Variants in POLR1A observed in about 807,000 individuals in gnomAD.
The protein encoded by POLR1A is RNA polymerase I subunit A, also known as DNA-directed RNA polymerase I subunit RPA1.
In POLR1A, 84 loss-of-function variants were observed where a neutral mutation model predicts 205.3. That is an observed-to-expected ratio of 0.41 (90% CI 0.34 to 0.49). The LOEUF is 0.49. Ranked by LOEUF, POLR1A falls within the 20% of genes least tolerant of loss-of-function variation. The pLI is 0.22. For synonymous variants in POLR1A, 799 were observed against 863.7 expected (o/e 0.93, Z 1.31); for missense variants, 1,645 against 2,204.5 (o/e 0.75, Z 5.08).
At chr2:86,085,456 G>A (rs1054776056) in intron 6 of POLR1A, among the ~76,000 whole-genome samples, 4 of 152,142 alleles carry the variant, frequency 2.6e-5, no homozygotes, top group Non-Finnish European at 5.9e-5. Context: ...TGACCTTCAG[G>A]GATAACCACA....
In POLR1A at chr2:86,027,207, G is replaced by T; in HGVS notation, c.*216C>A. 1 of 587,772 alleles carries T rather than the reference G, an allele frequency of 1.7e-6. No homozygotes were observed. 36.4% of individuals were successfully genotyped at this position (587,772 alleles called of 1,614,324 possible). A position where few individuals can be genotyped will look rare whatever the true frequency, so the allele number is the denominator to read the frequency against. On this transcript the variant is annotated 3_prime_UTR_variant, in exon 34 of 34. Transcript: ENST00000263857. ...AAACCTTGATAAAAATCCAGAGACA[G>T]GGAGGGGCAAGGATGAGCAACTCTG...
intron 1 of POLR1A, among the ~76,000 whole-genome samples, chr2:86,104,895 T>C (rs1673892627): frequency 6.6e-6 from 1 of 152,246 alleles, no homozygotes; most frequent in South Asian, 2.1e-4. Flanking sequence ...GATTTAAATT[T>C]GAGACTATAA....
chr2:86,033,572 G>T, intron 28 of POLR1A, 89 bp downstream of exon 28: 3 of 1,425,720 alleles, frequency 2.1e-6, no homozygotes, highest in Non-Finnish European at 2.9e-6. Context: ...CCAGGATGGG[G>T]CTGGAGGAGC....
At chr2:86,030,915 C>T (rs537167790) in intron 30 of POLR1A, among the ~76,000 whole-genome samples, 1 of 152,174 alleles carries the variant, frequency 6.6e-6, no homozygotes. Flanking sequence ...CCTGAGGGCA[C>T]GAACAGTGTC....
In POLR1A at chr2:86,070,251, C is replaced by T. The variant is rs1558776543; in HGVS notation, c.1633G>A (p.Gly545Arg). 6.2e-7 allele frequency: 1 copy of T among 1,611,342 alleles called. No individual in the cohort carries two copies. Among genetic ancestry groups the T allele is most frequent in the Middle Eastern group, 1.7e-4 (1 of 6,052 alleles). ...TKIVCRHVKN[G>R]DILLLNRQPT... is the part of the protein sequence containing the mutation. Reference sequence around the variant, plus strand: ...TGTCGGTTCAGTAGCAGAATGTCCCCATTCTTCACATGCCGGCACACCTGG... The same window carrying T: ...TGTCGGTTCAGTAGCAGAATGTCCCTATTCTTCACATGCCGGCACACCTGG... The change falls in exon 13 of 34, where the codon GGG becomes AGG. Residue 545 changes from glycine to arginine, a missense_variant. By Grantham distance (125) the Gly-to-Arg change is moderately radical (BLOSUM62 -2). This residue lies in a region of POLR1A where 131 missense variants were observed against 214.5 expected (regional missense o/e 0.61). Transcript: ENST00000263857. This position sits in a 1 kb window ranked among gnomAD's most constrained non-coding sequence, Gnocchi z 4.4.
At chr2:86,064,396 A>G (rs1348221545) in intron 14 of POLR1A, among the ~76,000 whole-genome samples, 3 of 152,216 alleles carry the variant, frequency 2.0e-5, no homozygotes, top group Non-Finnish European at 4.4e-5. Flanking sequence ...AGGCAACAGC[A>G]GAAGAACATA....
At chr2:86,030,006 G>A (rs1459404522) in intron 31 of POLR1A, among the ~76,000 whole-genome samples, 190 bp downstream of exon 31, 1 of 152,204 alleles carries the variant, frequency 6.6e-6, no homozygotes, top group South Asian at 2.1e-4. Context: ...TGAGGCTAAC[G>A]TGCCCCAGAA....
At chr2:86,065,198 C>G (rs980775747) in intron 14 of POLR1A, 76 bp downstream of exon 14, 2 of 1,311,242 alleles carry the variant, frequency 1.5e-6, no homozygotes, top group Non-Finnish European at 2.1e-6. Context: ...GGTCTGGACT[C>G]TTCTGAGAAT....
At chr2:86,073,906 T>C (rs1390506240) in intron 12 of POLR1A, among the ~76,000 whole-genome samples, 1 of 152,230 alleles carries the variant, frequency 6.6e-6, no homozygotes, top group Admixed American at 6.5e-5. Flanking sequence ...CTTTTTGCAT[T>C]GCTCACACAG....
chr2:86,028,443 C>T lies in POLR1A; in HGVS notation c.4897+151G>A, dbSNP rs1672310440. ...CTCTTCACAGATCTGCAGTCTCCTACAGGTGCACTCACTGCACGCATGCTG... is the reference window on the plus strand; with the variant it reads ...CTCTTCACAGATCTGCAGTCTCCTATAGGTGCACTCACTGCACGCATGCTG... On this transcript the variant is annotated intron_variant, in intron 32 of 33. Coordinates refer to ENST00000263857, the MANE Select transcript of POLR1A (RefSeq NM_015425.6). The surrounding 1 kb of genome is among the most constrained non-coding windows in gnomAD (Gnocchi z 4.5). 1.5e-6 allele frequency: 1 copy of T among 686,890 alleles called. No homozygotes were observed. The allele number at this position is 686,890 out of a possible 1,614,324, so 42.5% of individuals were successfully genotyped here. A position where few individuals can be genotyped will look rare whatever the true frequency, so the allele number is the denominator to read the frequency against.
At chr2:86,040,748 C>T (rs931809361) in intron 24 of POLR1A, among the ~76,000 whole-genome samples, 189 bp from the exon 25 acceptor site, 8 of 152,144 alleles carry the variant, frequency 5.3e-5, no homozygotes, top group African/African-American at 1.9e-4. Context: ...CCTCAAATTA[C>T]ACAGCACAGA....
At chr2:86,062,013 A>T (rs985851817) in intron 14 of POLR1A, among the ~76,000 whole-genome samples, 3 of 152,164 alleles carry the variant, frequency 2.0e-5, no homozygotes, top group African/African-American at 4.8e-5. Flanking sequence ...AAATAATGAG[A>T]GACCTTCGGT....
At chr2:86,066,299 T>C (rs1186743435) in intron 13 of POLR1A, among the ~76,000 whole-genome samples, 2 of 152,160 alleles carry the variant, frequency 1.3e-5, no homozygotes, top group Non-Finnish European at 2.9e-5. Flanking sequence ...ACAGGGTTCA[T>C]GGTGGGCCCT....
Position 86,079,917 on chromosome 2 carries a change from T to C in POLR1A, c.1086+899A>G, listed in dbSNP as rs1036864375. Among the ~76,000 whole-genome samples the C allele has an allele frequency of 3.9e-5, 6 of 152,184 alleles. 1 individual carries two copies. The highest frequency in any genetic ancestry group is 4.1e-4 in the South Asian group (2 of 4,834). On this transcript the variant is annotated intron_variant, in intron 9 of 33. Coordinates refer to ENST00000263857, the MANE Select transcript of POLR1A (RefSeq NM_015425.6). ...CTGGTCACTGGGTACAGTTATCCCA[T>C]GGTCTTTTCTTGGAAACTGCACTAA...
Position 86,020,309 on chromosome 2 carries a change from T to C in POLR1A, c.*7114A>G, listed in dbSNP as rs1181566384. 1 of 152,020 alleles carries C rather than the reference T, an allele frequency of 6.6e-6. No homozygotes were observed. Among genetic ancestry groups the C allele is most frequent in the Admixed American group, 6.6e-5 (1 of 15,248 alleles). The allele number at this position is 152,020 out of a possible 1,614,324, so 9.4% of individuals were successfully genotyped here. ...GGCTTACACCTGTAATCCCAGCACT[T>C]TGGAAGGTGAAGGCAGCAGATCGTG... On this transcript the variant is annotated 3_prime_UTR_variant, in exon 34 of 34. Coordinates refer to ENST00000263857, the MANE Select transcript of POLR1A (RefSeq NM_015425.6).
chr2:86,059,556 T>C (rs1382398651), intron 14 of POLR1A, among the ~76,000 whole-genome samples: 2 of 152,170 alleles, frequency 1.3e-5, no homozygotes, highest in Non-Finnish European at 2.9e-5. Context: ...AGGTATGATA[T>C]GATTTTATTA....
chr2:86,096,238 ACT>A (rs1009903051), intron 3 of POLR1A, among the ~76,000 whole-genome samples: 1 of 152,120 alleles, frequency 6.6e-6, no homozygotes, highest in African/African-American at 2.4e-5. Flanking sequence ...GATGTGAAAG[ACT>A]CTTGGAAAAC....
At chr2:86,069,280 G>T (rs931780772) in intron 13 of POLR1A, among the ~76,000 whole-genome samples, 1 of 152,224 alleles carries the variant, frequency 6.6e-6, no homozygotes, top group East Asian at 1.9e-4. Context: ...TTATAATTTA[G>T]GAGGACTCAG....
At chr2:86,075,284 A>T (rs947011576) in intron 11 of POLR1A, 24 bp from the exon 12 acceptor site, 6 of 1,524,834 alleles carry the variant, frequency 3.9e-6, no homozygotes, top group Non-Finnish European at 5.4e-6. Context: ...ATGGAGGTAG[A>T]AATTCAGGGC....
Sources: allele counts gnomAD v4.1 joint callset (sites outside exome capture counted in the v4.1 genomes callset), GRCh38; gene constraint gnomAD v4.1.1; regional missense constraint gnomAD v4.1.1; non-coding constraint Gnocchi (gnomAD v3.1); transcripts MANE v1.5; gene names NCBI Gene and HGNC (gene_info 2026-07-23, HGNC 2026-07-21).